Variants in RNF24 observed in about 807,000 individuals in gnomAD.
The protein encoded by RNF24 is ring finger protein 24.
RNF24 carries 14 observed loss-of-function variants against 20.0 expected under a neutral mutation model. The ratio of observed to expected loss-of-function variants is 0.70; its 90% CI spans 0.46 to 1.10. RNF24 has a LOEUF of 1.10. RNF24 is among the 50% of genes least tolerant of loss of function. The pLI is 0.00. For synonymous variants in RNF24, 45 were observed against 61.1 expected, an observed-to-expected ratio of 0.74 and a Z score of 1.23; for missense variants, 124 against 177.6, an observed-to-expected ratio of 0.70 and a Z score of 1.71.
chr20:3,931,884 A>C lies in RNF24; in HGVS notation c.*2179T>G, dbSNP rs1036995208. The stretch of plus-strand genomic sequence containing the variant: ...AGTGCTACGTATCAACCCCCTCAAC[A>C]TGCCTGTGGCTCTGACACGGGGGGA... On this transcript the variant is annotated 3_prime_UTR_variant, in exon 6 of 6. Coordinates refer to ENST00000358395, the MANE Select transcript of RNF24 (RefSeq NM_001134337.3). The C allele has an allele frequency of 6.6e-6, 1 of 152,154 alleles. No individual in the cohort carries two copies. Among genetic ancestry groups the C allele is most frequent in the African/African-American group, 2.4e-5 (1 of 41,438 alleles). The allele number at this position is 152,154 out of a possible 1,614,324, so 9.4% of individuals were successfully genotyped here. A position where few individuals can be genotyped will look rare whatever the true frequency, so the allele number is the denominator to read the frequency against.
intron 1 of RNF24, among the ~76,000 whole-genome samples, chr20:3,967,347 G>A (rs1173032644): frequency 6.6e-6 from 1 of 151,948 alleles, no homozygotes; most frequent in African/African-American, 2.4e-5. Context: ...CTTCATTCAC[G>A]TGAAAGCCTT....
Position 3,964,038 on chromosome 20 carries a change from A to G in RNF24, c.-7-14T>C, listed in dbSNP as rs765638150. The G allele has an allele frequency of 2.9e-5, 47 of 1,608,628 alleles. No individual in the cohort carries two copies. Among genetic ancestry groups the G allele is most frequent in the Non-Finnish European group, 3.9e-5 (46 of 1,178,154 alleles). Reference sequence around the variant, plus strand: ...CTCATGGATGAACTGTGGGGGAAGAAAAGAATGGAAAAAAAATAGGTAAAG... The same window carrying G: ...CTCATGGATGAACTGTGGGGGAAGAGAAGAATGGAAAAAAAATAGGTAAAG... On this transcript the variant is annotated splice_polypyrimidine_tract_variant and intron_variant, in intron 1 of 5. Transcript: ENST00000358395.
intron 1 of RNF24, among the ~76,000 whole-genome samples, chr20:3,992,218 C>T (rs535929752): frequency 6.6e-6 from 1 of 152,328 alleles, no homozygotes; most frequent in South Asian, 2.1e-4. Flanking sequence ...ACTAGGAAAT[C>T]TTCCATGTCT....
At chr20:3,993,888 AC>A (rs1295672463) in intron 1 of RNF24, among the ~76,000 whole-genome samples, 3 of 152,212 alleles carry the variant, frequency 2.0e-5, no homozygotes, top group Admixed American at 2.0e-4. Context: ...GTTCCCAAAT[AC>A]CCTTCGCCTA....
intron 2 of RNF24, among the ~76,000 whole-genome samples, chr20:3,961,379 A>G (rs551826733): frequency 4.2e-4 from 64 of 151,558 alleles, no homozygotes; most frequent in African/African-American, 1.5e-3. Context: ...CCTGGGTGAC[A>G]GAGTGAGACA....
intron 1 of RNF24, among the ~76,000 whole-genome samples, chr20:3,967,233 T>C (rs1006455242): frequency 2.0e-5 from 3 of 152,232 alleles, no homozygotes; most frequent in Non-Finnish European, 4.4e-5. Context: ...TTCTTTGCTA[T>C]TGAAGTCTTA....
chr20:4,015,305 G>A (rs1041005293), intron 1 of RNF24, 132 bp downstream of exon 1: 1 of 152,124 alleles, frequency 6.6e-6, no homozygotes, highest in Non-Finnish European at 1.5e-5. Context: ...GGCGCCGGGA[G>A]AGTGTGTGTG....
At chr20:4,008,070 TA>T (rs1256879961) in intron 1 of RNF24, among the ~76,000 whole-genome samples, 1 of 151,164 alleles carries the variant, frequency 6.6e-6, no homozygotes. Context: ...GAGGCTATAA[TA>T]ATTACTATTA....
At chr20:4,013,603 TC>T (rs1291100251) in intron 1 of RNF24, among the ~76,000 whole-genome samples, 1 of 151,594 alleles carries the variant, frequency 6.6e-6, no homozygotes, top group Non-Finnish European at 1.5e-5. Flanking sequence ...TGCCTCAGCC[TC>T]CCGAGTAGCT....
intron 1 of RNF24, among the ~76,000 whole-genome samples, chr20:3,972,759 C>T (rs774536797): frequency 3.3e-5 from 5 of 151,622 alleles, no homozygotes; most frequent in Admixed American, 1.3e-4. Context: ...AAAAATTAGT[C>T]GGGCGTGGTG....
At chr20:3,996,743 T>C (rs1242067155) in intron 1 of RNF24, among the ~76,000 whole-genome samples, 6 of 152,182 alleles carry the variant, frequency 3.9e-5, no homozygotes, top group Non-Finnish European at 7.3e-5. Flanking sequence ...GTGCCTTCTA[T>C]CTTCTGCTTC....
intron 4 of RNF24, among the ~76,000 whole-genome samples, chr20:3,937,989 G>GGGTCATAT (rs2090912132): frequency 6.6e-6 from 1 of 152,174 alleles, no homozygotes; most frequent in Non-Finnish European, 1.5e-5. Flanking sequence ...TGGAATTGCT[G>GGGTCATAT]GGTCATATGG....
Position 3,939,629 on chromosome 20 carries a change from GT to G in RNF24, c.229-4557del, listed in dbSNP as rs140443543. Among the ~76,000 whole-genome samples the G allele has an allele frequency of 4.5e-3, 689 of 152,320 alleles. 14 individuals carry two copies. Among genetic ancestry groups the G allele is most frequent in the Admixed American group, 0.029 (448 of 15,290 alleles). On this transcript the variant is annotated intron_variant, in intron 4 of 5. Coordinates refer to ENST00000358395, the MANE Select transcript of RNF24 (RefSeq NM_001134337.3). ...ATAGTAAGTTTTGAAATTGGAAAGT[GT>G]GAGTTCTCTAACTCTGTTCTTCTTT... is the stretch of plus-strand genomic sequence containing the variant.
At chr20:3,978,653 C>T (rs1979109569) in intron 1 of RNF24, among the ~76,000 whole-genome samples, 1 of 151,380 alleles carries the variant, frequency 6.6e-6, no homozygotes, top group Non-Finnish European at 1.5e-5. Context: ...ATATAGCAGG[C>T]AAGTATAAGA....
chr20:3,948,193 G>T, intron 3 of RNF24, 44 bp downstream of exon 3: 2 of 1,431,846 alleles, frequency 1.4e-6, no homozygotes, highest in Non-Finnish European at 9.6e-7. Context: ...CAGTTTTTTG[G>T]GGGGAAAAAA....
At chr20:3,958,674 C>T (rs906947262) in intron 2 of RNF24, among the ~76,000 whole-genome samples, 8 of 152,186 alleles carry the variant, frequency 5.3e-5, no homozygotes, top group Admixed American at 4.6e-4. Flanking sequence ...ATGGAGTCTG[C>T]TCTGTTGCCC....
chr20:3,974,428 G>C, intron 1 of RNF24: 1 of 1,525,974 alleles, frequency 6.6e-7, no homozygotes, highest in South Asian at 1.2e-5. Flanking sequence ...GTAGAAAAGG[G>C]AATAAAAGGC....
chr20:3,990,485 A>T (rs1386388419), intron 1 of RNF24, among the ~76,000 whole-genome samples: 2 of 152,222 alleles, frequency 1.3e-5, no homozygotes, highest in Non-Finnish European at 2.9e-5. Context: ...TTATAAAAGC[A>T]AAAGGTTGGA....
At chr20:3,935,763 C>T (rs1462436124) in intron 4 of RNF24, among the ~76,000 whole-genome samples, 3 of 152,234 alleles carry the variant, frequency 2.0e-5, no homozygotes, top group Non-Finnish European at 2.9e-5. Flanking sequence ...TTCACCAGGG[C>T]CCGTGGATAC....
Sources: gnomAD v4.1 joint callset for allele counts (sites outside exome capture counted in the v4.1 genomes callset) on GRCh38, gnomAD v4.1.1 for gene constraint, MANE v1.5 for transcripts, NCBI Gene and HGNC (gene_info 2026-07-23, HGNC 2026-07-21) for gene names.